Variants in PARD6G observed in about 807,000 individuals in gnomAD.
PARD6G encodes par-6 family cell polarity regulator gamma, also known as partitioning defective 6 homolog gamma.
Under a neutral mutation model 10.7 loss-of-function variants are expected in PARD6G, and 7 were observed. The ratio of observed to expected loss-of-function variants is 0.66; its 90% CI spans 0.37 to 1.23. The LOEUF is 1.23. Ranked by LOEUF, PARD6G falls within the 50% of genes most tolerant of loss-of-function variation. The probability of loss-of-function intolerance (pLI) is 0.02; values close to 1 mark genes in which losing one functional copy is unlikely to be tolerated. For synonymous variants in PARD6G, 287 were observed against 269.4 expected (o/e 1.07, Z -0.64); for missense variants, 548 against 571.8 (o/e 0.96, Z 0.42).
At chr18:80,172,866 T>C (rs2052786215) in intron 2 of PARD6G, among the ~76,000 whole-genome samples, 1 of 152,266 alleles carries the variant, frequency 6.6e-6, no homozygotes, top group African/African-American at 2.4e-5. Context: ...TTTTTCTTTT[T>C]TGCTTGTGCT....
intron 1 of PARD6G, among the ~76,000 whole-genome samples, chr18:80,236,876 C>A (rs901443631): frequency 3.9e-5 from 6 of 152,158 alleles, no homozygotes; most frequent in Non-Finnish European, 8.8e-5. Flanking sequence ...AAGAACATTC[C>A]ATGCTCATGG....
Position 80,159,895 on chromosome 18 carries a change from T to C in PARD6G, c.1007A>G (p.Gln336Arg). The change falls in exon 3 of 3, where the codon CAG (glutamine) becomes CGG (arginine). Residue 336 changes from glutamine to arginine, a missense_variant. Physicochemically the swap from Gln to Arg is conservative, Grantham distance 43. Around this residue, in one of 2 missense-constraint regions of PARD6G, gnomAD observed 313 missense variants for 279.9 expected, o/e 1.12. Coordinates refer to ENST00000353265, the MANE Select transcript of PARD6G (RefSeq NM_032510.4). ...VNGAGLAQRLQRDLALDGGLQ... is the reference protein window; with the variant it reads ...VNGAGLAQRLRRDLALDGGLQ... ...GCCGCCGTCCAGGGCCAGGTCCCGC[T>C]GCAGCCGCTGCGCCAGGCCCGCGCC... 2 of 1,514,022 alleles carry C rather than the reference T, an allele frequency of 1.3e-6. No homozygotes were observed. Among genetic ancestry groups the C allele is most frequent in the Admixed American group, 2.2e-5 (1 of 45,824 alleles). 93.8% of individuals were successfully genotyped at this position (1,514,022 alleles called of 1,614,324 possible). A position where few individuals can be genotyped will look rare whatever the true frequency, so the allele number is the denominator to read the frequency against.
intron 2 of PARD6G, among the ~76,000 whole-genome samples, chr18:80,195,205 T>C (rs997268374): frequency 6.6e-6 from 1 of 152,072 alleles, no homozygotes; most frequent in Non-Finnish European, 1.5e-5. Context: ...ACATGGCCAT[T>C]TTTACCACAC....
At chr18:80,245,907 T>C (rs1330303697) in intron 1 of PARD6G, among the ~76,000 whole-genome samples, 5 of 152,024 alleles carry the variant, frequency 3.3e-5, no homozygotes, top group Admixed American at 3.3e-4. Flanking sequence ...AATGAGGGAT[T>C]CATTAAAAGA....
intron 2 of PARD6G, among the ~76,000 whole-genome samples, chr18:80,174,747 G>A (rs2052798233): frequency 6.6e-6 from 1 of 152,094 alleles, no homozygotes; most frequent in East Asian, 1.9e-4. Context: ...GAGGTCAGGA[G>A]ATCGAGACCA....
At chr18:80,234,365 A>T (rs1172065941) in intron 1 of PARD6G, among the ~76,000 whole-genome samples, 1 of 152,206 alleles carries the variant, frequency 6.6e-6, no homozygotes, top group Non-Finnish European at 1.5e-5. Context: ...AAGGGTTGTG[A>T]AAGCCCTTCA....
rs1272800533 is a variant in PARD6G, at chr18:80,157,687, GAGAGGTCATGGGGAA to G, written c.*2069_*2083del. The G allele has an allele frequency of 6.6e-6, 1 of 152,176 alleles. No homozygotes were observed. Among genetic ancestry groups the G allele is most frequent in the Non-Finnish European group, 1.5e-5 (1 of 68,056 alleles). The allele number at this position is 152,176 out of a possible 1,614,324, so 9.4% of individuals were successfully genotyped here. A position where few individuals can be genotyped will look rare whatever the true frequency, so the allele number is the denominator to read the frequency against. On this transcript the variant is annotated 3_prime_UTR_variant, in exon 3 of 3. Coordinates refer to ENST00000353265, the MANE Select transcript of PARD6G (RefSeq NM_032510.4). ...GTCCGGGGGGTGCGGATCCTCACCG[GAGAGGTCATGGGGAA>G]GCATCTTTGGTCTTCTCTTGCTTAG...
At chr18:80,209,304 G>T (rs1331702490) in intron 1 of PARD6G, among the ~76,000 whole-genome samples, 1 of 152,070 alleles carries the variant, frequency 6.6e-6, no homozygotes, top group Non-Finnish European at 1.5e-5. Context: ...TTGTTATTGG[G>T]AAATACACAG....
At position 80,176,682 on chromosome 18, in the gene PARD6G, C is replaced by T. The variant is rs929031003; in HGVS notation, c.296-16076G>A. Among the ~76,000 whole-genome samples the T allele has an allele frequency of 3.3e-5, 5 of 152,276 alleles. No individual in the cohort carries two copies. In the East Asian group the frequency reaches 9.6e-4, roughly 29 times the overall value. On this transcript the variant is annotated intron_variant, in intron 2 of 2. Transcript: ENST00000353265. The stretch of plus-strand genomic sequence containing the variant: ...GGAAAGAATAAAAGTACAAGTCAGC[C>T]TTGAAGAAAGCCTCCCCCCTCATTG...
chr18:80,197,817 G>A (rs1966971917), intron 2 of PARD6G, among the ~76,000 whole-genome samples: 2 of 152,230 alleles, frequency 1.3e-5, no homozygotes. Context: ...CTGCACCCTT[G>A]GGGAGGCAGG....
rs568234585 is a variant in PARD6G at position 80,182,892 on chromosome 18, A to T, written c.295+19818T>A. The T allele has an allele frequency of 3.6e-6, 2 of 560,968 alleles. No homozygotes were observed. Among genetic ancestry groups the T allele is most frequent in the East Asian group, 2.9e-5 (1 of 34,836 alleles). The allele number at this position is 560,968 out of a possible 1,614,324, so 34.7% of individuals were successfully genotyped here. A position where few individuals can be genotyped will look rare whatever the true frequency, so the allele number is the denominator to read the frequency against. On this transcript the variant is annotated intron_variant, in intron 2 of 2. Coordinates refer to ENST00000353265, the MANE Select transcript of PARD6G (RefSeq NM_032510.4). The surrounding 1 kb of genome is among the most constrained non-coding windows in gnomAD (Gnocchi z 4.5). ...AGTTTTATTTCTTAGTTCTAGGTACAGGGCTAGATGTTTGGCTGAAGCTGC... is the reference window on the plus strand; with the variant it reads ...AGTTTTATTTCTTAGTTCTAGGTACTGGGCTAGATGTTTGGCTGAAGCTGC...
At chr18:80,226,632 C>T (rs1967296458) in intron 1 of PARD6G, among the ~76,000 whole-genome samples, 1 of 152,120 alleles carries the variant, frequency 6.6e-6, no homozygotes, top group African/African-American at 2.4e-5. Context: ...CTGGATGTTC[C>T]TAGTTCTACT....
rs1475164857 is a variant in PARD6G, at chr18:80,159,511, T to A, written c.*260A>T. The A allele has an allele frequency of 2.1e-5, 9 of 420,794 alleles. No homozygotes were observed. The highest frequency in any genetic ancestry group is 3.5e-5 in the Non-Finnish European group (9 of 254,456). The allele number at this position is 420,794 out of a possible 1,614,324, so 26.1% of individuals were successfully genotyped here. On this transcript the variant is annotated 3_prime_UTR_variant, in exon 3 of 3. Coordinates refer to ENST00000353265, the MANE Select transcript of PARD6G (RefSeq NM_032510.4). ...GCATTTTTTTGCACTTGGTCAGATC[T>A]TTTCTATCACTTTGCAAAGGCGCCA...
intron 1 of PARD6G, among the ~76,000 whole-genome samples, chr18:80,238,501 A>AC (rs950855188): frequency 6.6e-6 from 1 of 151,964 alleles, no homozygotes; most frequent in Non-Finnish European, 1.5e-5. Flanking sequence ...CAAAAAAAAA[A>AC]ACAACTATTT....
intron 2 of PARD6G, among the ~76,000 whole-genome samples, chr18:80,186,052 ACG>A (rs2052874474): frequency 7.1e-6 from 1 of 141,198 alleles, no homozygotes. Flanking sequence ...ACACCCTCAC[ACG>A]CATGCACCCA....
rs1042673946 is a variant in PARD6G at position 80,159,729 on chromosome 18, T to A, written c.*42A>T. On this transcript the variant is annotated 3_prime_UTR_variant, in exon 3 of 3. Transcript: ENST00000353265. ...AGTCTGCAGGTCCTGTCCCTGTCCT[T>A]ACCGGGGAACTGGAGCTAGGATTTG... 4 of 1,359,846 alleles carry A rather than the reference T, an allele frequency of 2.9e-6. No individual in the cohort carries two copies. The highest frequency in any genetic ancestry group is 1.9e-5 in the South Asian group (1 of 52,216). The allele number at this position is 1,359,846 out of a possible 1,614,324, so 84.2% of individuals were successfully genotyped here.
rs923717893 is a variant in PARD6G, at chr18:80,247,426, A to AGGCCCC, written c.-84_-79dup. The AGGCCCC allele has an allele frequency of 5.6e-5, 68 of 1,214,784 alleles. 1 individual carries two copies. The highest frequency in any genetic ancestry group is 2.8e-4 in the Middle Eastern group (1 of 3,608). The allele number at this position is 1,214,784 out of a possible 1,614,324, so 75.3% of individuals were successfully genotyped here. A position where few individuals can be genotyped will look rare whatever the true frequency, so the allele number is the denominator to read the frequency against. ...AAAGACTCCCGGGGGCGGCGCCCCC[A>AGGCCCC]GGCCCCGGCCCCGGCCCCGGCCCGC... On this transcript the variant is annotated 5_prime_UTR_variant, in exon 1 of 3. Coordinates refer to ENST00000353265, the MANE Select transcript of PARD6G (RefSeq NM_032510.4). The surrounding 1 kb of genome is among the most constrained non-coding windows in gnomAD (Gnocchi z 4.2).
chr18:80,240,319 C>G (rs1175813860), intron 1 of PARD6G, among the ~76,000 whole-genome samples: 1 of 152,240 alleles, frequency 6.6e-6, no homozygotes, highest in African/African-American at 2.4e-5. Context: ...AGCATCAGCT[C>G]AAAAGTGCAA....
intron 2 of PARD6G, among the ~76,000 whole-genome samples, chr18:80,199,330 A>G (rs768245095): frequency 6.6e-5 from 10 of 152,224 alleles, no homozygotes; most frequent in Middle Eastern, 3.2e-3. Flanking sequence ...AGGTTCATCC[A>G]TCTGTAGCAT....
Sources: allele counts gnomAD v4.1 joint callset (sites outside exome capture counted in the v4.1 genomes callset), GRCh38; gene constraint gnomAD v4.1.1; regional missense constraint gnomAD v4.1.1; non-coding constraint Gnocchi (gnomAD v3.1); transcripts MANE v1.5; gene names NCBI Gene and HGNC (gene_info 2026-07-23, HGNC 2026-07-21).